Variants in NDUFA9 observed in about 807,000 individuals in gnomAD.
NDUFA9 encodes the protein NADH dehydrogenase [ubiquinone] 1 alpha subcomplex subunit 9, mitochondrial.
In NDUFA9, 23 loss-of-function variants were observed where a neutral mutation model predicts 45.9. The observed-to-expected ratio is 0.50, with a 90% CI of 0.36 to 0.71. The LOEUF (loss-of-function observed/expected upper bound fraction) is 0.71. Ranked by LOEUF, NDUFA9 falls within the 30% of genes least tolerant of loss-of-function variation. The pLI is 0.00. For synonymous variants in NDUFA9, 176 were observed against 170.5 expected, an observed-to-expected ratio of 1.03 and a Z score of -0.25; for missense variants, 466 against 488.2, an observed-to-expected ratio of 0.95 and a Z score of 0.43.
Position 4,690,828 on chromosome 12 carries a change from A to T in NDUFA9, c.*3720A>T, listed in dbSNP as rs1946015135. Reference sequence around the variant, plus strand: ...CTGGAAGGATTAGCAAAAACTCCATAGAAAACGGATTTTTAAAGCTGCATC... The same window carrying T: ...CTGGAAGGATTAGCAAAAACTCCATTGAAAACGGATTTTTAAAGCTGCATC... On this transcript the variant is annotated 3_prime_UTR_variant, in exon 11 of 11. Coordinates refer to ENST00000266544, the MANE Select transcript of NDUFA9 (RefSeq NM_005002.5). 1 of 152,250 alleles carries T rather than the reference A, an allele frequency of 6.6e-6. No individual in the cohort carries two copies. The highest frequency in any genetic ancestry group is 2.4e-5 in the African/African-American group (1 of 41,474). The allele number at this position is 152,250 out of a possible 1,614,324, so 9.4% of individuals were successfully genotyped here. A position where few individuals can be genotyped will look rare whatever the true frequency, so the allele number is the denominator to read the frequency against.
At chr12:4,677,534 CAT>C (rs1248542464) in intron 8 of NDUFA9, among the ~76,000 whole-genome samples, 6 of 152,294 alleles carry the variant, frequency 3.9e-5, no homozygotes, top group East Asian at 3.9e-4. Context: ...GCTCAACAAA[CAT>C]ATGAAAAAAG....
intron 10 of NDUFA9, among the ~76,000 whole-genome samples, chr12:4,686,268 G>T (rs1172797609): frequency 6.6e-6 from 1 of 152,110 alleles, no homozygotes; most frequent in African/African-American, 2.4e-5. Context: ...AGGTGCAAAT[G>T]GATTCTATTT....
chr12:4,666,356 T>G (rs1258867600), intron 6 of NDUFA9, among the ~76,000 whole-genome samples: 1 of 152,212 alleles, frequency 6.6e-6, no homozygotes, highest in Non-Finnish European at 1.5e-5. Context: ...CTCTGTTAAT[T>G]GTGTTCTTTG....
At chr12:4,678,542 T>C (rs1364012748) in intron 8 of NDUFA9, among the ~76,000 whole-genome samples, 1 of 152,118 alleles carries the variant, frequency 6.6e-6, no homozygotes, top group Admixed American at 6.5e-5. Context: ...AAATATTTGT[T>C]AATTACATAT....
At chr12:4,658,078 T>G (rs947077813) in intron 4 of NDUFA9, among the ~76,000 whole-genome samples, 5 of 152,158 alleles carry the variant, frequency 3.3e-5, no homozygotes, top group African/African-American at 1.2e-4. Flanking sequence ...GTGGTATTGG[T>G]GTGGCTGCTG....
chr12:4,682,942 T>A (rs1945962502), intron 9 of NDUFA9, among the ~76,000 whole-genome samples: 1 of 152,160 alleles, frequency 6.6e-6, no homozygotes, highest in African/African-American at 2.4e-5. Context: ...GGCATCTGCC[T>A]GTAGTCCCAC....
intron 10 of NDUFA9, among the ~76,000 whole-genome samples, chr12:4,685,705 C>T (rs1690014711): frequency 6.7e-5 from 2 of 29,994 alleles, no homozygotes; most frequent in Non-Finnish European, 1.3e-4. Flanking sequence ...CAGTTTCTTC[C>T]TTCTTTCTTT....
intron 8 of NDUFA9, among the ~76,000 whole-genome samples, chr12:4,681,563 T>C (rs1460937711): frequency 6.7e-6 from 1 of 149,130 alleles, no homozygotes; most frequent in Non-Finnish European, 1.5e-5. Flanking sequence ...GGAGGGGGCA[T>C]TCTTATATAT....
chr12:4,669,821 A>G lies in NDUFA9; in HGVS notation c.800+4A>G. 1.9e-6 allele frequency: 3 copies of G among 1,600,378 alleles called. No homozygotes were observed. In the African/African-American group the frequency reaches 4.0e-5, roughly 21 times the overall value. On this transcript the variant is annotated splice_donor_region_variant and intron_variant, in intron 8 of 10. Transcript: ENST00000266544. ...GGAAATCCTTTGCTTTCGTTGGGTA[A>G]GTGCTTAGAGTTTGAATTTTAAATT...
Position 4,649,139 on chromosome 12 carries a change from G to A in NDUFA9, c.13G>A (p.Ala5Thr), listed in dbSNP as rs35155742. The A allele has an allele frequency of 5.6e-6, 9 of 1,604,146 alleles. No homozygotes were observed. Among genetic ancestry groups the A allele is most frequent in the South Asian group, 1.1e-5 (1 of 88,908 alleles). Residue 5 changes from alanine (A) to threonine (T), a missense_variant, in exon 1 of 11, where the codon GCA becomes ACA. Ala to Thr is a moderately conservative substitution (Grantham distance 58). Transcript: ENST00000266544. MAAA[A>T]QSRVVRVLSM... Reference sequence around the variant, plus strand: ...ATTGTGGGAAAAGATGGCGGCTGCCGCACAATCCCGGGTTGTCCGGGTCCT... The same window carrying A: ...ATTGTGGGAAAAGATGGCGGCTGCCACACAATCCCGGGTTGTCCGGGTCCT...
intron 6 of NDUFA9, among the ~76,000 whole-genome samples, chr12:4,667,011 G>A (rs1055070427): frequency 6.6e-6 from 1 of 152,176 alleles, no homozygotes; most frequent in African/African-American, 2.4e-5. Flanking sequence ...TACAACAAAC[G>A]TTGAGTAATT....
At chr12:4,686,264 A>G (rs1945985874) in intron 10 of NDUFA9, among the ~76,000 whole-genome samples, 1 of 152,214 alleles carries the variant, frequency 6.6e-6, no homozygotes, top group African/African-American at 2.4e-5. Flanking sequence ...CTCTAGGTGC[A>G]AATGGATTCT....
intron 6 of NDUFA9, among the ~76,000 whole-genome samples, chr12:4,668,029 G>C (rs1430743959): frequency 6.6e-6 from 1 of 151,914 alleles, no homozygotes; most frequent in African/African-American, 2.4e-5. Context: ...TATCTGTGCT[G>C]TATCACTCAT....
intron 10 of NDUFA9, 68 bp downstream of exon 10, chr12:4,685,393 T>C: frequency 7.0e-7 from 1 of 1,428,514 alleles, no homozygotes. Context: ...TTGCTTTGCC[T>C]GCTTGCTTGT....
rs1233219437 is a variant in NDUFA9 at position 4,691,463 on chromosome 12, C to T, written c.*4355C>T. The T allele has an allele frequency of 2.6e-5, 4 of 152,140 alleles. No homozygotes were observed. The South Asian group carries it at 8.3e-4, about 32-fold the overall frequency. 9.4% of individuals were successfully genotyped at this position (152,140 alleles called of 1,614,324 possible). A position where few individuals can be genotyped will look rare whatever the true frequency, so the allele number is the denominator to read the frequency against. ...TTTCCAACCTGGATCTTTCTGGCTA[C>T]AAAACTGATGCCTTGTTCCAGAAAG... On this transcript the variant is annotated 3_prime_UTR_variant, in exon 11 of 11. Transcript: ENST00000266544.
intron 8 of NDUFA9, among the ~76,000 whole-genome samples, chr12:4,676,637 A>G (rs1945921711): frequency 6.6e-6 from 1 of 152,208 alleles, no homozygotes; most frequent in African/African-American, 2.4e-5. Context: ...TGCTCAAGTA[A>G]ATAAGAGAGG....
At position 4,682,254 on chromosome 12, in the gene NDUFA9, G is replaced by A. The variant is rs139149480; in HGVS notation, c.850G>A (p.Ala284Thr). Residue 284 changes from alanine (A) to threonine (T), a missense_variant, in exon 9 of 11, where the codon GCT becomes ACT. Transcript: ENST00000266544. ...FHLVKYIFAV[A>T]HRLFLPFPLP... ...CCTGGTGAAGTACATCTTTGCTGTG[G>A]CTCACAGATTGTTCCTCCCATTCCC... 92 of 1,612,992 alleles carry A rather than the reference G, an allele frequency of 5.7e-5. No individual in the cohort carries two copies. In the African/African-American group the frequency reaches 1.1e-3, roughly 19 times the overall value.
chr12:4,662,437 C>A (rs923830681), intron 5 of NDUFA9, 96 bp from the exon 6 acceptor site: 17 of 890,106 alleles, frequency 1.9e-5, no homozygotes, highest in Non-Finnish European at 3.1e-5. Flanking sequence ...GAAAATATCG[C>A]CTTTGAAATA....
intron 8 of NDUFA9, among the ~76,000 whole-genome samples, chr12:4,674,338 C>G (rs961299224): frequency 1.3e-5 from 2 of 151,832 alleles, no homozygotes; most frequent in East Asian, 3.9e-4. Flanking sequence ...TAAATGGCTT[C>G]CTTGCATTGG....
Sources: gnomAD v4.1 joint callset for allele counts (sites outside exome capture counted in the v4.1 genomes callset) on GRCh38, gnomAD v4.1.1 for gene constraint, MANE v1.5 for transcripts, NCBI Gene and HGNC (gene_info 2026-07-23, HGNC 2026-07-21) for gene names.